The following ARHGEF10L variants were observed in gnomAD, a reference collection of about 807,000 sequenced individuals.
The protein encoded by ARHGEF10L is Rho guanine nucleotide exchange factor 10 like.
ARHGEF10L carries 69 observed loss-of-function variants against 141.2 expected under a neutral mutation model. That is an observed-to-expected ratio of 0.49 (90% confidence interval 0.40 to 0.60). ARHGEF10L has a LOEUF of 0.60. Ranked by LOEUF, ARHGEF10L falls within the 20% of genes least tolerant of loss-of-function variation. The pLI is 0.00. For synonymous variants in ARHGEF10L, 711 were observed against 718.5 expected (o/e 0.99, Z 0.17); for missense variants, 1,482 against 1,734.3 (o/e 0.85, Z 2.58).
chr1:17,654,770 G>T lies in ARHGEF10L; in HGVS notation c.2481+48G>T. 6.4e-7 allele frequency: 1 copy of T among 1,558,114 alleles called. No individual in the cohort carries two copies. Among genetic ancestry groups the T allele is most frequent in the African/African-American group, 1.4e-5 (1 of 73,892 alleles). ...TGGGCATTCTGGCCTCAGGACAGGA[G>T]TAGGGAGAGCGGCACCTGGGAGGGG... On this transcript the variant is annotated intron_variant, in intron 23 of 28. Coordinates refer to ENST00000361221, the MANE Select transcript of ARHGEF10L (RefSeq NM_018125.4). This position sits in a 1 kb window ranked among gnomAD's most constrained non-coding sequence, Gnocchi z 4.3.
intron 9 of ARHGEF10L, chr1:17,618,506 CTCT>C (rs1020352751): frequency 1.4e-6 from 2 of 1,452,594 alleles, no homozygotes. Context: ...CCTCCTCCTC[CTCT>C]GTCTCCTGCT....
chr1:17,560,417 G>T (rs937999675), intron 1 of ARHGEF10L, among the ~76,000 whole-genome samples: 11 of 152,182 alleles, frequency 7.2e-5, no homozygotes, highest in African/African-American at 2.7e-4. Flanking sequence ...TTGCTTTCTG[G>T]CTCCACTTTG....
At chr1:17,614,468 A>T (rs2059701685) in intron 8 of ARHGEF10L, among the ~76,000 whole-genome samples, 1 of 152,128 alleles carries the variant, frequency 6.6e-6, no homozygotes, top group Non-Finnish European at 1.5e-5. Context: ...GGAAAATGCC[A>T]AGAGAAGGGC....
chr1:17,575,770 A>C (rs772416855), intron 1 of ARHGEF10L, among the ~76,000 whole-genome samples: 3 of 152,096 alleles, frequency 2.0e-5, no homozygotes, highest in African/African-American at 4.8e-5. Context: ...TGAGAGTTGA[A>C]AGCCAGAGAG....
At chr1:17,629,647 T>G (rs1188692271) in intron 15 of ARHGEF10L, among the ~76,000 whole-genome samples, 1 of 152,092 alleles carries the variant, frequency 6.6e-6, no homozygotes, top group Admixed American at 6.5e-5. Context: ...GTGGCTCAGG[T>G]TGGGCATGAG....
chr1:17,629,096 C>G (rs895979141), intron 15 of ARHGEF10L, among the ~76,000 whole-genome samples: 1 of 152,202 alleles, frequency 6.6e-6, no homozygotes, highest in African/African-American at 2.4e-5. Context: ...TAACGGCTCA[C>G]TGCAGCCTTG....
chr1:17,638,008 G>A lies in ARHGEF10L; in HGVS notation c.2043+5G>A, dbSNP rs377204867. 1.3e-5 allele frequency: 21 copies of A among 1,572,182 alleles called. No homozygotes were observed. In the East Asian group the frequency reaches 1.4e-4, roughly 10 times the overall value. ...ACGCTGCACGGCACCTACCAGGTAC[G>A]TGGCCTGGCCTGACCTTTTTGGCCT... On this transcript the variant is annotated splice_donor_5th_base_variant and intron_variant, in intron 19 of 28. Transcript: ENST00000361221.
rs555013866 is a variant in ARHGEF10L, at chr1:17,697,442, C to G, written c.*62C>G. The G allele has an allele frequency of 2.6e-6, 4 of 1,524,036 alleles. No individual in the cohort carries two copies. The South Asian group carries it at 3.8e-5, about 15-fold the overall frequency. The allele number at this position is 1,524,036 out of a possible 1,614,324, so 94.4% of individuals were successfully genotyped here. On this transcript the variant is annotated 3_prime_UTR_variant, in exon 29 of 29. Coordinates refer to ENST00000361221, the MANE Select transcript of ARHGEF10L (RefSeq NM_018125.4). This position sits in a 1 kb window ranked among gnomAD's most constrained non-coding sequence, Gnocchi z 4.8. Reference sequence around the variant, plus strand: ...CCTGACCAAGGCCACGCCCGGCTCTCGTGCTCTAGGACCTGCACGGGACTT... The same window carrying G: ...CCTGACCAAGGCCACGCCCGGCTCTGGTGCTCTAGGACCTGCACGGGACTT...
At chr1:17,591,576 A>T (rs2079550502) in intron 4 of ARHGEF10L, among the ~76,000 whole-genome samples, 1 of 151,794 alleles carries the variant, frequency 6.6e-6, no homozygotes, top group Admixed American at 6.6e-5. Flanking sequence ...ACGCCGAACT[A>T]ATTTTTTGTA....
chr1:17,560,501 C>A (rs1331772150), intron 1 of ARHGEF10L, among the ~76,000 whole-genome samples: 1 of 152,150 alleles, frequency 6.6e-6, no homozygotes, highest in African/African-American at 2.4e-5. Flanking sequence ...GGAACCAGCC[C>A]AGGACACTTG....
chr1:17,560,255 C>T lies in ARHGEF10L; in HGVS notation c.-43-20298C>T, dbSNP rs561192890. Among the ~76,000 whole-genome samples the T allele has an allele frequency of 4.6e-5, 7 of 152,280 alleles. No homozygotes were observed. In the South Asian group the frequency reaches 1.4e-3, roughly 32 times the overall value. ...AACCAAGACATCAGGAGGAGGCCAGCTCGGTTTACACAGTTAATGAGAAAT... is the reference window on the plus strand; with the variant it reads ...AACCAAGACATCAGGAGGAGGCCAGTTCGGTTTACACAGTTAATGAGAAAT... On this transcript the variant is annotated intron_variant, in intron 1 of 28. Coordinates refer to ENST00000361221, the MANE Select transcript of ARHGEF10L (RefSeq NM_018125.4).
In ARHGEF10L at chr1:17,696,252, T is replaced by C. The variant is rs1300745504; in HGVS notation, c.3308-596T>C. On this transcript the variant is annotated intron_variant, in intron 28 of 28. Coordinates refer to ENST00000361221, the MANE Select transcript of ARHGEF10L (RefSeq NM_018125.4). Reference sequence around the variant, plus strand: ...AAGTTGCTTCTAAATTCTGAGATTTTCTATTTTCAAGGTTTCATCAAATAG... The same window carrying C: ...AAGTTGCTTCTAAATTCTGAGATTTCCTATTTTCAAGGTTTCATCAAATAG... 1.3e-5 allele frequency among the ~76,000 whole-genome samples: 2 copies of C among 151,930 alleles called. 1 individual carries two copies. Among genetic ancestry groups the C allele is most frequent in the Admixed American group, 1.3e-4 (2 of 15,262 alleles).
chr1:17,638,066 GA>G, intron 19 of ARHGEF10L, 63 bp downstream of exon 19: 1 of 1,445,096 alleles, frequency 6.9e-7, no homozygotes, highest in Admixed American at 2.0e-5. Flanking sequence ...CCTGGATTCA[GA>G]AAGCTGAGTA....
intron 1 of ARHGEF10L, among the ~76,000 whole-genome samples, chr1:17,574,391 T>G (rs1557725386): frequency 6.6e-6 from 1 of 152,232 alleles, no homozygotes; most frequent in Non-Finnish European, 1.5e-5. Context: ...TGGAATACGT[T>G]TGTCTTGGAC....
chr1:17,601,057 A>AC (rs1159175473), intron 4 of ARHGEF10L, among the ~76,000 whole-genome samples: 60 of 149,000 alleles, frequency 4.0e-4, no homozygotes, highest in African/African-American at 1.5e-3. Flanking sequence ...CTCAAAAAAA[A>AC]AAAAAAAAAA....
chr1:17,680,758 T>C (rs1045561691), intron 26 of ARHGEF10L, among the ~76,000 whole-genome samples: 6 of 151,384 alleles, frequency 4.0e-5, no homozygotes, highest in African/African-American at 1.5e-4. Context: ...TTTTTTTTTT[T>C]TTAAATTACT....
At chr1:17,618,559 C>G in intron 9 of ARHGEF10L, 1 of 1,331,480 alleles carries the variant, frequency 7.5e-7, no homozygotes, top group Non-Finnish European at 9.7e-7. Context: ...CCCCTCCCAC[C>G]CTTGGGGTTG....
At chr1:17,696,048 A>C (rs1467707625) in intron 28 of ARHGEF10L, among the ~76,000 whole-genome samples, 1 of 152,028 alleles carries the variant, frequency 6.6e-6, no homozygotes, top group Non-Finnish European at 1.5e-5. Context: ...AAATAAAAAA[A>C]AATAAAAATA....
At chr1:17,660,387 G>A (rs1037180908) in intron 25 of ARHGEF10L, among the ~76,000 whole-genome samples, 10 of 152,312 alleles carry the variant, frequency 6.6e-5, no homozygotes, top group East Asian at 1.9e-4. Context: ...TTCCTCACCC[G>A]TGAAATGGGG....
Sources: gnomAD v4.1 joint callset for allele counts (sites outside exome capture counted in the v4.1 genomes callset) on GRCh38, gnomAD v4.1.1 for gene constraint, Gnocchi (gnomAD v3.1) non-coding constraint, MANE v1.5 for transcripts, NCBI Gene and HGNC (gene_info 2026-07-23, HGNC 2026-07-21) for gene names.